RAB11FIP4: variants seen among roughly 807,000 people sequenced by gnomAD.
RAB11FIP4 encodes rab11 family-interacting protein 4.
A neutral mutation model predicts 74.3 loss-of-function variants in RAB11FIP4; 23 were observed. The observed-to-expected ratio is 0.31, with a 90% CI of 0.22 to 0.44. The LOEUF is 0.44. Ranked by LOEUF, RAB11FIP4 falls within the 20% of genes least tolerant of loss-of-function variation. RAB11FIP4 has a pLI of 1.00. For synonymous variants in RAB11FIP4, 360 were observed against 359.9 expected (o/e 1.00, Z 0.00); for missense variants, 630 against 863.9 (o/e 0.73, Z 3.39).
chr17:31,486,443 C>T (rs1428233966), intron 3 of RAB11FIP4, among the ~76,000 whole-genome samples: 1 of 152,038 alleles, frequency 6.6e-6, no homozygotes, highest in African/African-American at 2.4e-5. Context: ...TGGGGTCTTG[C>T]TGTGTTGTCC....
Position 31,391,814 on chromosome 17 carries a change from G to A in RAB11FIP4, c.-39G>A. ...CGGCGGCGGGCAGGCGGCGGGCGCG[G>A]CGGGCGAGGGGTCCGGGCTGAGCTG... On this transcript the variant is annotated 5_prime_UTR_variant, in exon 1 of 15. Coordinates refer to ENST00000621161, the MANE Select transcript of RAB11FIP4 (RefSeq NM_032932.6). 1.0e-6 allele frequency: 1 copy of A among 982,956 alleles called. No individual in the cohort carries two copies. Among genetic ancestry groups the A allele is most frequent in the Non-Finnish European group, 1.2e-6 (1 of 829,460 alleles). 60.9% of individuals were successfully genotyped at this position (982,956 alleles called of 1,614,324 possible).
At chr17:31,500,258 C>G (rs573768760) in intron 3 of RAB11FIP4, among the ~76,000 whole-genome samples, 10 of 152,212 alleles carry the variant, frequency 6.6e-5, no homozygotes, top group African/African-American at 2.2e-4. Flanking sequence ...AGCTCTAGAC[C>G]GCTGTGGAGT....
chr17:31,499,697 G>A (rs1381537575), intron 3 of RAB11FIP4, among the ~76,000 whole-genome samples: 5 of 152,154 alleles, frequency 3.3e-5, no homozygotes, highest in African/African-American at 1.2e-4. Context: ...ATTACTTGCA[G>A]GGAGTTTACC....
rs1391385553 is a variant in RAB11FIP4, at chr17:31,536,096, A to G, written c.*4364A>G. ...TCTTGGTTCCAATGAGGGACTTAGC[A>G]GAAGCCTCCAGGGGCCAGCAGGGCC... On this transcript the variant is annotated 3_prime_UTR_variant, in exon 15 of 15. Coordinates refer to ENST00000621161, the MANE Select transcript of RAB11FIP4 (RefSeq NM_032932.6). The G allele has an allele frequency of 6.6e-6, 1 of 152,026 alleles. No homozygotes were observed. Among genetic ancestry groups the G allele is most frequent in the Non-Finnish European group, 1.5e-5 (1 of 68,074 alleles). 9.4% of individuals were successfully genotyped at this position (152,026 alleles called of 1,614,324 possible).
chr17:31,476,937 C>T (rs1179461279), intron 3 of RAB11FIP4, among the ~76,000 whole-genome samples: 1 of 152,252 alleles, frequency 6.6e-6, no homozygotes, highest in Non-Finnish European at 1.5e-5. Flanking sequence ...AGTCTCCCGA[C>T]ACCAGCCCAT....
chr17:31,487,524 G>A (rs2071918374), intron 3 of RAB11FIP4, among the ~76,000 whole-genome samples: 1 of 151,946 alleles, frequency 6.6e-6, no homozygotes, highest in Non-Finnish European at 1.5e-5. Context: ...GGCTGGTTAT[G>A]GAGATGGTTC....
In RAB11FIP4 at chr17:31,391,829, G is replaced by A; in HGVS notation, c.-24G>A. ...GGCGGGCGCGGCGGGCGAGGGGTCCGGGCTGAGCTGCGGGCCGGCCCGGAT... is the reference window on the plus strand; with the variant it reads ...GGCGGGCGCGGCGGGCGAGGGGTCCAGGCTGAGCTGCGGGCCGGCCCGGAT... On this transcript the variant is annotated 5_prime_UTR_variant, in exon 1 of 15. Transcript: ENST00000621161. 22 of 1,018,324 alleles carry A rather than the reference G, an allele frequency of 2.2e-5. No homozygotes were observed. Among genetic ancestry groups the A allele is most frequent in the Non-Finnish European group, 2.6e-5 (22 of 853,812 alleles). 63.1% of individuals were successfully genotyped at this position (1,018,324 alleles called of 1,614,324 possible). A position where few individuals can be genotyped will look rare whatever the true frequency, so the allele number is the denominator to read the frequency against.
At chr17:31,413,933 C>T (rs139301537) in intron 1 of RAB11FIP4, among the ~76,000 whole-genome samples, 49 of 152,308 alleles carry the variant, frequency 3.2e-4, no homozygotes, top group African/African-American at 1.2e-3. Context: ...AGAGGTGCAA[C>T]GACTGGCTGT....
intron 3 of RAB11FIP4, among the ~76,000 whole-genome samples, chr17:31,456,041 C>A (rs1567662010): frequency 6.6e-6 from 1 of 152,228 alleles, no homozygotes; most frequent in Non-Finnish European, 1.5e-5. Context: ...TTTCCATTAT[C>A]TATCCTAATA....
At chr17:31,485,175 G>A (rs2071889181) in intron 3 of RAB11FIP4, among the ~76,000 whole-genome samples, 1 of 152,190 alleles carries the variant, frequency 6.6e-6, no homozygotes, top group Non-Finnish European at 1.5e-5. Flanking sequence ...AGAGACTGAG[G>A]CTCCAAAACA....
Position 31,411,294 on chromosome 17 carries a change from G to A in RAB11FIP4, c.159+19283G>A, listed in dbSNP as rs1043017994. Among the ~76,000 whole-genome samples the A allele has an allele frequency of 3.3e-5, 5 of 152,202 alleles. No homozygotes were observed. In the East Asian group the frequency reaches 7.7e-4, roughly 23 times the overall value. Reference sequence around the variant, plus strand: ...CAGGAGAATAGCGTGAACCTGGGAGGCAGAGGTTGCAGTGAGCCAAGATCG... The same window carrying A: ...CAGGAGAATAGCGTGAACCTGGGAGACAGAGGTTGCAGTGAGCCAAGATCG... On this transcript the variant is annotated intron_variant, in intron 1 of 14. Transcript: ENST00000621161.
At position 31,528,545 on chromosome 17, in the gene RAB11FIP4, T is replaced by C. The variant is rs770983876; in HGVS notation, c.1494+2T>C. On this transcript the variant is annotated splice_donor_variant, in intron 12 of 14. Transcript: ENST00000621161. LOFTEE classifies it high-confidence loss of function. Reference sequence around the variant, plus strand: ...AAGGAGCGGGAGGCGACGCAGGAGGTAGGTCCCAGGCCAGCAGGCACCAGG... The same window carrying C: ...AAGGAGCGGGAGGCGACGCAGGAGGCAGGTCCCAGGCCAGCAGGCACCAGG... 6.2e-7 allele frequency: 1 copy of C among 1,613,602 alleles called. No individual in the cohort carries two copies. Among genetic ancestry groups the C allele is most frequent in the Non-Finnish European group, 8.5e-7 (1 of 1,179,960 alleles).
At chr17:31,477,764 C>T (rs1470464313) in intron 3 of RAB11FIP4, among the ~76,000 whole-genome samples, 4 of 152,100 alleles carry the variant, frequency 2.6e-5, no homozygotes, top group African/African-American at 4.8e-5. Flanking sequence ...CATAGGATAA[C>T]GGCTAGGTGC....
chr17:31,505,480 A>ATGTT, intron 3 of RAB11FIP4, among the ~76,000 whole-genome samples: 1 of 44,804 alleles, frequency 2.2e-5, no homozygotes, highest in Non-Finnish European at 4.6e-5. Flanking sequence ...TAATAATTAT[A>ATGTT]ATATATAATA....
At chr17:31,435,839 G>A (rs1228504958) in intron 3 of RAB11FIP4, among the ~76,000 whole-genome samples, 3 of 152,256 alleles carry the variant, frequency 2.0e-5, no homozygotes, top group Non-Finnish European at 2.9e-5. Flanking sequence ...GAGTCAGGTG[G>A]CTAGGCCTCA....
At chr17:31,511,459 T>G (rs1267216947) in intron 3 of RAB11FIP4, among the ~76,000 whole-genome samples, 1 of 152,212 alleles carries the variant, frequency 6.6e-6, no homozygotes, top group Non-Finnish European at 1.5e-5. Flanking sequence ...CCTGTGGCTG[T>G]GCTGTTCCCA....
chr17:31,436,658 G>A (rs1369174153), intron 3 of RAB11FIP4, among the ~76,000 whole-genome samples: 3 of 152,146 alleles, frequency 2.0e-5, no homozygotes, highest in Non-Finnish European at 2.9e-5. Flanking sequence ...AAGAAAGACC[G>A]CGTCAGCCTA....
chr17:31,430,449 C>A (rs1470843691), intron 1 of RAB11FIP4, among the ~76,000 whole-genome samples: 1 of 150,924 alleles, frequency 6.6e-6, no homozygotes, highest in Non-Finnish European at 1.5e-5. Flanking sequence ...CCTCTGCCTC[C>A]CAGGTTCATG....
At chr17:31,490,260 C>A (rs962961025) in intron 3 of RAB11FIP4, among the ~76,000 whole-genome samples, 3 of 152,150 alleles carry the variant, frequency 2.0e-5, no homozygotes, top group Non-Finnish European at 1.5e-5. Context: ...TTCTCTTTGG[C>A]CGTTCACCTG....
Sources: gnomAD v4.1 joint callset for allele counts (sites outside exome capture counted in the v4.1 genomes callset) on GRCh38, gnomAD v4.1.1 for gene constraint, MANE v1.5 for transcripts, NCBI Gene and HGNC (gene_info 2026-07-23, HGNC 2026-07-21) for gene names.